Variants in PHACTR1 observed in about 807,000 individuals in gnomAD.
PHACTR1 encodes the protein phosphatase and actin regulator 1, also known as RPEL repeat containing 1.
PHACTR1 carries 16 observed loss-of-function variants against 69.2 expected under a neutral mutation model. The ratio of observed to expected loss-of-function variants is 0.23; its 90% CI spans 0.16 to 0.35. PHACTR1 has a LOEUF of 0.35. Among genes scored for constraint, PHACTR1 ranks in the 10% least tolerant of loss-of-function variants. The probability of loss-of-function intolerance (pLI) is 1.00; values close to 1 mark genes in which losing one functional copy is unlikely to be tolerated. For synonymous variants in PHACTR1, 312 were observed against 284.5 expected, an observed-to-expected ratio of 1.10 and a Z score of -0.97; for missense variants, 510 against 734.7, an observed-to-expected ratio of 0.69 and a Z score of 3.54.
chr6:12,826,828 A>T (rs185224265), intron 4 of PHACTR1, among the ~76,000 whole-genome samples: 1 of 152,314 alleles, frequency 6.6e-6, no homozygotes, highest in East Asian at 1.9e-4. Flanking sequence ...CCTGGGACTC[A>T]TTATGGGCAT....
chr6:13,113,190 G>A (rs1817303254), intron 5 of PHACTR1, among the ~76,000 whole-genome samples: 1 of 152,024 alleles, frequency 6.6e-6, no homozygotes, highest in Admixed American at 6.6e-5. Context: ...GGCAGAGCAA[G>A]ATCCTGTCTC....
At chr6:13,264,181 C>A (rs1776296228) in intron 10 of PHACTR1, among the ~76,000 whole-genome samples, 1 of 152,178 alleles carries the variant, frequency 6.6e-6, no homozygotes, top group Non-Finnish European at 1.5e-5. Context: ...CAATACGGAA[C>A]ATTGCAAATC....
intron 4 of PHACTR1, among the ~76,000 whole-genome samples, chr6:12,930,197 C>G (rs1446811335): frequency 6.6e-6 from 1 of 152,078 alleles, no homozygotes; most frequent in East Asian, 1.9e-4. Context: ...GTGTGTGCCC[C>G]AACACCTGGC....
At chr6:13,257,714 T>C in intron 10 of PHACTR1, among the ~76,000 whole-genome samples, 1 of 152,148 alleles carries the variant, frequency 6.6e-6, no homozygotes, top group East Asian at 1.9e-4. Flanking sequence ...TAGAGTCATA[T>C]GCAGGCTGTC....
intron 4 of PHACTR1, among the ~76,000 whole-genome samples, chr6:12,795,021 A>G (rs1258137508): frequency 6.6e-6 from 1 of 152,130 alleles, no homozygotes; most frequent in Non-Finnish European, 1.5e-5. Flanking sequence ...CTTAAAATTT[A>G]CTGTGTACAT....
At chr6:12,993,171 T>G (rs1022662752) in intron 4 of PHACTR1, among the ~76,000 whole-genome samples, 8 of 152,200 alleles carry the variant, frequency 5.3e-5, no homozygotes, top group East Asian at 1.9e-4. Flanking sequence ...GAAATGATTT[T>G]GGGGCTGCTT....
At chr6:12,973,122 A>C (rs1003132112) in intron 4 of PHACTR1, among the ~76,000 whole-genome samples, 3 of 152,136 alleles carry the variant, frequency 2.0e-5, no homozygotes, top group African/African-American at 7.2e-5. Context: ...TCCTTCTGCC[A>C]TGTAAGGTAC....
At chr6:13,118,399 T>C (rs928333753) in intron 5 of PHACTR1, among the ~76,000 whole-genome samples, 1 of 151,836 alleles carries the variant, frequency 6.6e-6, no homozygotes, top group Non-Finnish European at 1.5e-5. Flanking sequence ...CAAGTCCTGC[T>C]GTCTTATTAG....
intron 7 of PHACTR1, among the ~76,000 whole-genome samples, chr6:13,199,356 C>G (rs1479123197): frequency 7.3e-6 from 1 of 137,836 alleles, no homozygotes; most frequent in African/African-American, 2.9e-5. Context: ...TGCACTCCAG[C>G]CTGGGCGACA....
chr6:13,010,553 C>G (rs1799335087), intron 4 of PHACTR1, among the ~76,000 whole-genome samples: 1 of 152,132 alleles, frequency 6.6e-6, no homozygotes, highest in Non-Finnish European at 1.5e-5. Context: ...AATATGCATC[C>G]AAATCACCCG....
intron 4 of PHACTR1, among the ~76,000 whole-genome samples, chr6:12,975,128 T>C (rs1228043091): frequency 6.6e-6 from 1 of 152,004 alleles, no homozygotes; most frequent in Non-Finnish European, 1.5e-5. Flanking sequence ...GTGTGAGAGG[T>C]GTGGGGAAGT....
At chr6:12,918,472 G>A (rs1018053455) in intron 4 of PHACTR1, among the ~76,000 whole-genome samples, 5 of 152,144 alleles carry the variant, frequency 3.3e-5, no homozygotes, top group African/African-American at 4.8e-5. Context: ...CATTGGCAGC[G>A]CATTTATAAT....
Position 12,733,128 on chromosome 6 carries a change from C to A in PHACTR1, c.103+14281C>A, listed in dbSNP as rs183843982. 1.4e-3 allele frequency among the ~76,000 whole-genome samples: 207 copies of A among 152,146 alleles called. 1 individual carries two copies. The highest frequency in any genetic ancestry group is 2.0e-3 in the Non-Finnish European group (136 of 68,016). ...TTCTTCTCCTTATTGTAGATAGATG[C>A]ATTTTATTATGCATCACCAGCAAAT... On this transcript the variant is annotated intron_variant, in intron 3 of 14. Transcript: ENST00000332995.
At chr6:12,905,725 C>T (rs980074125) in intron 4 of PHACTR1, among the ~76,000 whole-genome samples, 16 of 152,156 alleles carry the variant, frequency 1.1e-4, no homozygotes, top group African/African-American at 3.4e-4. Context: ...GAGTATTTGC[C>T]AGTTTCATGT....
intron 4 of PHACTR1, among the ~76,000 whole-genome samples, chr6:12,915,974 T>G (rs1421150627): frequency 2.0e-5 from 3 of 152,142 alleles, no homozygotes; most frequent in Non-Finnish European, 4.4e-5. Flanking sequence ...ATTGAAAACC[T>G]CTGGTACCTG....
At chr6:12,802,282 T>C (rs1286798411) in intron 4 of PHACTR1, among the ~76,000 whole-genome samples, 5 of 126,080 alleles carry the variant, frequency 4.0e-5, no homozygotes, top group African/African-American at 1.7e-4. Context: ...AATAAAACAA[T>C]TATTTCTTAG....
chr6:12,789,752 A>G (rs897257473), intron 4 of PHACTR1, among the ~76,000 whole-genome samples: 2 of 151,026 alleles, frequency 1.3e-5, no homozygotes, highest in Admixed American at 1.3e-4. Context: ...TTCTTTTTTT[A>G]TTTTTATTTT....
chr6:13,158,557 C>G (rs890475977), intron 5 of PHACTR1, among the ~76,000 whole-genome samples: 1 of 152,214 alleles, frequency 6.6e-6, no homozygotes, highest in African/African-American at 2.4e-5. Flanking sequence ...GGAGCTAGAA[C>G]GTAACATTTT....
chr6:13,153,183 G>A (rs1326149530), intron 5 of PHACTR1, among the ~76,000 whole-genome samples: 2 of 152,218 alleles, frequency 1.3e-5, no homozygotes, highest in African/African-American at 4.8e-5. Context: ...AGGTGTCAGA[G>A]CATCAGTAAT....
Sources: gnomAD v4.1 joint callset for allele counts (sites outside exome capture counted in the v4.1 genomes callset) on GRCh38, gnomAD v4.1.1 for gene constraint, MANE v1.5 for transcripts, NCBI Gene and HGNC (gene_info 2026-07-23, HGNC 2026-07-21) for gene names.